The following DOCK3 variants were observed in gnomAD, a reference collection of about 807,000 sequenced individuals.
DOCK3 encodes dedicator of cytokinesis protein 3.
Under a neutral mutation model 265.6 loss-of-function variants are expected in DOCK3, and 60 were observed. The observed-to-expected ratio is 0.23, with a 90% CI of 0.18 to 0.28. DOCK3 has a LOEUF of 0.28. Ranked by LOEUF, DOCK3 falls within the 10% of genes least tolerant of loss-of-function variation. DOCK3 has a pLI of 1.00. For synonymous variants in DOCK3, 881 were observed against 938.0 expected (o/e 0.94, Z 1.11); for missense variants, 1,981 against 2,594.3 (o/e 0.76, Z 5.14).
At chr3:51,237,447 G>T (rs779513443) in intron 20 of DOCK3, 43 bp from the exon 21 acceptor site, 1 of 1,526,170 alleles carries the variant, frequency 6.6e-7, no homozygotes, top group Non-Finnish European at 9.0e-7. Context: ...ATAGATCTGA[G>T]GCCTCCAGTG....
chr3:50,779,503 C>A (rs1474433350), intron 2 of DOCK3, among the ~76,000 whole-genome samples: 1 of 152,146 alleles, frequency 6.6e-6, no homozygotes, highest in East Asian at 1.9e-4. Flanking sequence ...CCTGCCTCAG[C>A]CTCCCTAGTA....
chr3:50,721,048 T>G (rs1325832108), intron 1 of DOCK3, among the ~76,000 whole-genome samples: 7 of 152,062 alleles, frequency 4.6e-5, no homozygotes, highest in Non-Finnish European at 2.9e-5. Context: ...TGTTTTTTTT[T>G]GTTTGTTTTT....
chr3:50,782,802 C>T (rs1432233284), intron 2 of DOCK3, among the ~76,000 whole-genome samples: 4 of 151,904 alleles, frequency 2.6e-5, no homozygotes, highest in Admixed American at 6.6e-5. Context: ...CCCTTCCCCC[C>T]ACCGAGTCCC....
intron 3 of DOCK3, among the ~76,000 whole-genome samples, chr3:50,843,069 CATT>C (rs1043116181): frequency 2.6e-5 from 4 of 152,110 alleles, no homozygotes; most frequent in Admixed American, 6.5e-5. Flanking sequence ...GGCTTGAAAA[CATT>C]ATTGAGACAG....
rs771323600 is a variant in DOCK3 at position 51,356,145 on chromosome 3, G to A, written c.4306G>A (p.Asp1436Asn). The A allele has an allele frequency of 6.2e-7, 1 of 1,614,016 alleles. No individual in the cohort carries two copies. The highest frequency in any genetic ancestry group is 8.5e-7 in the Non-Finnish European group (1 of 1,179,892). Residue 1436 changes from aspartate to asparagine, a missense_variant, in exon 42 of 53, where the codon GAT becomes AAT. Physicochemically the swap from Asp to Asn is conservative, Grantham distance 23. This residue lies in a region of DOCK3 where 1,357 missense variants were observed against 1,866.8 expected (regional missense o/e 0.73). Transcript: ENST00000266037. The part of the protein sequence containing the change: ...IPDYVDVLQM[D>N]RVPDRVKSFY... ...AGATTATGTGGATGTTCTGCAGATG[G>A]ATAGGGTACCAGATCGAGTCAAGAG...
Position 51,356,076 on chromosome 3 carries a change from A to G in DOCK3, c.4250-13A>G. ...TCTGGCAAGTCTGTGTTTCTCCTTCACTTCCTGCCCAGACTTGCAGATCTA... is the reference window on the plus strand; with the variant it reads ...TCTGGCAAGTCTGTGTTTCTCCTTCGCTTCCTGCCCAGACTTGCAGATCTA... On this transcript the variant is annotated splice_polypyrimidine_tract_variant and intron_variant, in intron 41 of 52. Transcript: ENST00000266037. 1 of 1,613,724 alleles carries G rather than the reference A, an allele frequency of 6.2e-7. No homozygotes were observed. The highest frequency in any genetic ancestry group is 8.5e-7 in the Non-Finnish European group (1 of 1,179,786).
At chr3:51,046,137 CA>C (rs778081966) in intron 5 of DOCK3, among the ~76,000 whole-genome samples, 1 of 151,950 alleles carries the variant, frequency 6.6e-6, no homozygotes. Context: ...TATATCACTA[CA>C]AAAAATCATT....
intron 28 of DOCK3, 76 bp downstream of exon 28, chr3:51,310,402 G>A: frequency 7.6e-7 from 1 of 1,319,170 alleles, no homozygotes; most frequent in South Asian, 1.3e-5. Context: ...TTTCAGAGAG[G>A]GAGCACATGA....
chr3:51,017,854 T>A (rs2079415342), intron 5 of DOCK3, among the ~76,000 whole-genome samples: 1 of 151,918 alleles, frequency 6.6e-6, no homozygotes, highest in Non-Finnish European at 1.5e-5. Context: ...AATTTACTCT[T>A]CTGTCAACGA....
intron 5 of DOCK3, among the ~76,000 whole-genome samples, chr3:50,943,389 T>C (rs1466804027): frequency 2.0e-5 from 3 of 152,108 alleles, no homozygotes; most frequent in African/African-American, 7.2e-5. Context: ...AGTGCTTACA[T>C]GTGAAGAGCC....
At chr3:51,309,268 C>T (rs371154333) in intron 27 of DOCK3, among the ~76,000 whole-genome samples, 28 of 152,224 alleles carry the variant, frequency 1.8e-4, no homozygotes, top group East Asian at 1.9e-4. Flanking sequence ...GCCGAGATCA[C>T]GCCACTGCAC....
At chr3:51,048,291 A>G (rs2080852978) in intron 5 of DOCK3, among the ~76,000 whole-genome samples, 1 of 152,166 alleles carries the variant, frequency 6.6e-6, no homozygotes, top group Non-Finnish European at 1.5e-5. Context: ...TCAGTGGTGA[A>G]AAGCTGATGG....
chr3:51,101,261 C>A (rs970562176), intron 9 of DOCK3, among the ~76,000 whole-genome samples: 1 of 152,008 alleles, frequency 6.6e-6, no homozygotes, highest in Non-Finnish European at 1.5e-5. Flanking sequence ...GCTGGGACTA[C>A]AGGCGCCCGC....
intron 9 of DOCK3, among the ~76,000 whole-genome samples, chr3:51,107,424 A>C (rs183399645): frequency 6.6e-6 from 1 of 152,254 alleles, no homozygotes; most frequent in African/African-American, 2.4e-5. Context: ...TGAGATTCAG[A>C]AGAACGTTGA....
chr3:51,332,304 C>T (rs1027250809), intron 33 of DOCK3, among the ~76,000 whole-genome samples: 1 of 152,190 alleles, frequency 6.6e-6, no homozygotes, highest in African/African-American at 2.4e-5. Flanking sequence ...AAGACCTGTG[C>T]GATGGCAGAG....
At chr3:51,160,450 A>C in intron 11 of DOCK3, 105 bp from the exon 12 acceptor site, 2 of 1,396,994 alleles carry the variant, frequency 1.4e-6, no homozygotes, top group Non-Finnish European at 1.9e-6. Flanking sequence ...ACCTTAGAGG[A>C]TTTCCTAGGT....
At chr3:51,296,805 G>A (rs910680057) in intron 27 of DOCK3, among the ~76,000 whole-genome samples, 3 of 151,912 alleles carry the variant, frequency 2.0e-5, no homozygotes, top group African/African-American at 7.3e-5. Flanking sequence ...TTCAACAAAT[G>A]GTTCTGGGAC....
At chr3:51,205,083 G>T (rs2089099100) in intron 12 of DOCK3, among the ~76,000 whole-genome samples, 1 of 152,014 alleles carries the variant, frequency 6.6e-6, no homozygotes, top group Non-Finnish European at 1.5e-5. Context: ...GAGTTAGTGG[G>T]TGCAGCGCAC....
intron 20 of DOCK3, 105 bp from the exon 21 acceptor site, chr3:51,237,385 C>G (rs2078393124): frequency 1.2e-6 from 1 of 867,738 alleles, no homozygotes; most frequent in Non-Finnish European, 1.8e-6. Flanking sequence ...TAGAGGACAG[C>G]ACTGACAATT....
Sources: gnomAD v4.1 joint callset for allele counts (sites outside exome capture counted in the v4.1 genomes callset) on GRCh38, gnomAD v4.1.1 for gene constraint, gnomAD v4.1.1 regional missense constraint, MANE v1.5 for transcripts, NCBI Gene and HGNC (gene_info 2026-07-23, HGNC 2026-07-21) for gene names.